The following PIEZO2 variants were observed in gnomAD, a reference collection of about 807,000 sequenced individuals.
PIEZO2 encodes piezo-type mechanosensitive ion channel component 2.
A neutral mutation model predicts 337.3 loss-of-function variants in PIEZO2; 172 were observed. The observed-to-expected ratio is 0.51, with a 90% CI of 0.45 to 0.58. PIEZO2 has a LOEUF of 0.58. Among genes scored for constraint, PIEZO2 ranks in the 20% least tolerant of loss-of-function variants. PIEZO2 has a pLI of 0.00. For missense variants in PIEZO2, 3,028 were observed against 3,391.3 expected, an observed-to-expected ratio of 0.89 and a Z score of 2.66; for synonymous variants, 1,251 against 1,228.5, an observed-to-expected ratio of 1.02 and a Z score of -0.38.
intron 2 of PIEZO2, among the ~76,000 whole-genome samples, chr18:11,058,610 G>C (rs1249826738): frequency 6.6e-6 from 1 of 152,184 alleles, no homozygotes; most frequent in Non-Finnish European, 1.5e-5. Context: ...ACCAAGGCAG[G>C]AGAACTATGT....
Position 10,748,432 on chromosome 18 carries a change from T to C in PIEZO2, c.4424+39A>G. ...TAGTGCAATATTATTTCAGGCAAGT[T>C]TCCTGGGAGAAACCACCTGATTTCA... On this transcript the variant is annotated intron_variant, in intron 30 of 55. Transcript: ENST00000674853. The surrounding 1 kb of genome is among the most constrained non-coding windows in gnomAD (Gnocchi z 5.1). 6.5e-7 allele frequency: 1 copy of C among 1,529,228 alleles called. No homozygotes were observed. Among genetic ancestry groups the C allele is most frequent in the Admixed American group, 2.0e-5 (1 of 50,322 alleles). 94.7% of individuals were successfully genotyped at this position (1,529,228 alleles called of 1,614,324 possible).
rs529460919 is a variant in PIEZO2 at position 10,789,500 on chromosome 18, C to T, written c.1883-135G>A. 9.8e-6 allele frequency: 10 copies of T among 1,019,892 alleles called. No homozygotes were observed. In the South Asian group the frequency reaches 1.9e-4, roughly 20 times the overall value. 63.2% of individuals were successfully genotyped at this position (1,019,892 alleles called of 1,614,324 possible). A position where few individuals can be genotyped will look rare whatever the true frequency, so the allele number is the denominator to read the frequency against. On this transcript the variant is annotated intron_variant, in intron 14 of 55. Coordinates refer to ENST00000674853, the MANE Select transcript of PIEZO2 (RefSeq NM_001378183.1). ...ATAATTTGGATGATTTTAGACTATT[C>T]TCATAAACTCAGCAACATTTATAAC...
chr18:10,831,962 G>A (rs1265893665), intron 7 of PIEZO2, among the ~76,000 whole-genome samples: 1 of 152,130 alleles, frequency 6.6e-6, no homozygotes, highest in African/African-American at 2.4e-5. Flanking sequence ...GCACTGATTA[G>A]CTCAACGTTC....
At position 11,112,363 on chromosome 18, in the gene PIEZO2, G is replaced by A. The variant is rs2039760985; in HGVS notation, c.64+36162C>T. 6.6e-6 allele frequency among the ~76,000 whole-genome samples: 1 copy of A among 152,142 alleles called. No homozygotes were observed. The highest frequency in any genetic ancestry group is 1.5e-5 in the Non-Finnish European group (1 of 68,030). On this transcript the variant is annotated intron_variant, in intron 1 of 55. Transcript: ENST00000674853. The surrounding 1 kb of genome is among the most constrained non-coding windows in gnomAD (Gnocchi z 4.3). Reference sequence around the variant, plus strand: ...ATCCACCCATTTAAGTAAAGGCCTGGTCCAGTCATTCTGAGAACAACCCTT... The same window carrying A: ...ATCCACCCATTTAAGTAAAGGCCTGATCCAGTCATTCTGAGAACAACCCTT...
intron 43 of PIEZO2, 120 bp from the exon 44 acceptor site, chr18:10,699,297 G>A: frequency 7.3e-7 from 1 of 1,364,198 alleles, no homozygotes; most frequent in Non-Finnish European, 9.9e-7. Flanking sequence ...AAGATGATAT[G>A]GTTTGGCTGT....
At chr18:10,864,174 T>C (rs1364939536) in intron 5 of PIEZO2, among the ~76,000 whole-genome samples, 2 of 152,218 alleles carry the variant, frequency 1.3e-5, no homozygotes, top group Non-Finnish European at 2.9e-5. Flanking sequence ...TGTCAAAATA[T>C]TGAGCAGAGA....
intron 42 of PIEZO2, among the ~76,000 whole-genome samples, chr18:10,703,118 T>C (rs183704729): frequency 4.7e-4 from 72 of 152,358 alleles, no homozygotes; most frequent in African/African-American, 1.6e-3. Context: ...CCTCTTAAAG[T>C]GCTGGGACTA....
At chr18:10,840,632 A>T (rs1042949749) in intron 7 of PIEZO2, among the ~76,000 whole-genome samples, 7 of 131,744 alleles carry the variant, frequency 5.3e-5, no homozygotes, top group Non-Finnish European at 1.1e-4. Context: ...TTTTGACAAT[A>T]AAAAAAAAAG....
At chr18:10,916,037 A>G (rs988639552) in intron 3 of PIEZO2, among the ~76,000 whole-genome samples, 3 of 151,840 alleles carry the variant, frequency 2.0e-5, no homozygotes, top group South Asian at 2.1e-4. Flanking sequence ...TGCATTTACA[A>G]TCCTTTAGCT....
intron 3 of PIEZO2, among the ~76,000 whole-genome samples, chr18:10,955,589 T>C (rs963186635): frequency 6.6e-6 from 1 of 152,226 alleles, no homozygotes; most frequent in Non-Finnish European, 1.5e-5. Flanking sequence ...ATGAGGAAGA[T>C]ATCTGCTGAA....
At position 10,680,217 on chromosome 18, in the gene PIEZO2, A is replaced by G; in HGVS notation, c.7934T>C (p.Phe2645Ser). ...LDPNSSFSVVFSWSIQRNLSL... is the reference protein window; with the variant it reads ...LDPNSSFSVVSSWSIQRNLSL... Reference sequence around the variant, plus strand: ...TAACTACCTCTGAATACTCCATGAAAAAACAACAGAGAAGCTACTATTGGG... The same window carrying G: ...TAACTACCTCTGAATACTCCATGAAGAAACAACAGAGAAGCTACTATTGGG... The change falls in exon 52 of 56, where the codon TTT (phenylalanine) becomes TCT (serine). Residue 2645 changes from phenylalanine (F) to serine (S), a missense_variant. Transcript: ENST00000674853. 1.2e-6 allele frequency: 2 copies of G among 1,613,426 alleles called. No homozygotes were observed. The highest frequency in any genetic ancestry group is 1.7e-6 in the Non-Finnish European group (2 of 1,179,594).
chr18:10,858,321 CAAAAAAA>C (rs11361243), intron 5 of PIEZO2, among the ~76,000 whole-genome samples: 933 of 56,406 alleles, frequency 0.017, 17 homozygotes, highest in African/African-American at 0.056. Context: ...GACTTCAACC[CAAAAAAA>C]AAAAAAAAAA....
Position 10,847,207 on chromosome 18 carries a change from G to A in PIEZO2, c.917+8146C>T, listed in dbSNP as rs964178756. Among the ~76,000 whole-genome samples, 6 of 152,310 alleles carry A rather than the reference G, an allele frequency of 3.9e-5. No individual in the cohort carries two copies. The highest frequency in any genetic ancestry group is 1.9e-4 in the East Asian group (1 of 5,184). ...AATCAGTGGAACCCATGTGATGCTC[G>A]CTGGCCAGATGACATGACGGCAGCC... On this transcript the variant is annotated intron_variant, in intron 7 of 55. Coordinates refer to ENST00000674853, the MANE Select transcript of PIEZO2 (RefSeq NM_001378183.1). The surrounding 1 kb of genome is among the most constrained non-coding windows in gnomAD (Gnocchi z 5.7).
At chr18:10,876,793 T>C (rs906056265) in intron 4 of PIEZO2, among the ~76,000 whole-genome samples, 7 of 152,182 alleles carry the variant, frequency 4.6e-5, no homozygotes, top group Non-Finnish European at 7.3e-5. Context: ...ACTCACTACA[T>C]GGGCTCCCCT....
chr18:10,672,585 C>G lies in PIEZO2; in HGVS notation c.8345+105G>C. ...GGATGTGTGCATTTTAATACTGCAG[C>G]TCTAAAATTAGCGAATTCTAAGAAG... On this transcript the variant is annotated intron_variant, in intron 55 of 55. Transcript: ENST00000674853. The surrounding 1 kb of genome is among the most constrained non-coding windows in gnomAD (Gnocchi z 4.7). 1 of 1,247,372 alleles carries G rather than the reference C, an allele frequency of 8.0e-7. No homozygotes were observed. Among genetic ancestry groups the G allele is most frequent in the Non-Finnish European group, 1.1e-6 (1 of 886,380 alleles). The allele number at this position is 1,247,372 out of a possible 1,614,324, so 77.3% of individuals were successfully genotyped here. A position where few individuals can be genotyped will look rare whatever the true frequency, so the allele number is the denominator to read the frequency against.
chr18:10,721,578 T>G (rs1244714090), intron 36 of PIEZO2, among the ~76,000 whole-genome samples: 3 of 149,172 alleles, frequency 2.0e-5, no homozygotes, highest in Non-Finnish European at 4.4e-5. Flanking sequence ...AACACAATTC[T>G]GAAAAAAAAA....
At chr18:11,079,915 G>T (rs947813137) in intron 1 of PIEZO2, among the ~76,000 whole-genome samples, 2 of 152,206 alleles carry the variant, frequency 1.3e-5, no homozygotes, top group Non-Finnish European at 2.9e-5. Flanking sequence ...GGCATGGAAC[G>T]ATGTTCACAA....
At position 11,101,289 on chromosome 18, in the gene PIEZO2, G is replaced by A. The variant is rs1598961174; in HGVS notation, c.65-35067C>T. ...CTCTGGAGTTCTGGGACTCAATGGAGAGTCAATCCTGAGGCCTCGAGTGCT... is the reference window on the plus strand; with the variant it reads ...CTCTGGAGTTCTGGGACTCAATGGAAAGTCAATCCTGAGGCCTCGAGTGCT... On this transcript the variant is annotated intron_variant, in intron 1 of 55. Transcript: ENST00000674853. This position sits in a 1 kb window ranked among gnomAD's most constrained non-coding sequence, Gnocchi z 4.4. 2.6e-5 allele frequency among the ~76,000 whole-genome samples: 4 copies of A among 152,224 alleles called. No individual in the cohort carries two copies. In the East Asian group the frequency reaches 7.7e-4, roughly 29 times the overall value.
chr18:10,949,691 G>A (rs2033198925), intron 3 of PIEZO2, among the ~76,000 whole-genome samples: 1 of 152,248 alleles, frequency 6.6e-6, no homozygotes, highest in African/African-American at 2.4e-5. Flanking sequence ...CTTATGCAGA[G>A]TATCTAAGGG....
Sources: gnomAD v4.1 joint callset for allele counts (sites outside exome capture counted in the v4.1 genomes callset) on GRCh38, gnomAD v4.1.1 for gene constraint, Gnocchi (gnomAD v3.1) non-coding constraint, MANE v1.5 for transcripts, NCBI Gene and HGNC (gene_info 2026-07-23, HGNC 2026-07-21) for gene names.